Variants in DLG4 observed in about 807,000 individuals in gnomAD.
DLG4 encodes the protein disks large homolog 4.
A neutral mutation model predicts 93.8 loss-of-function variants in DLG4; 7 were observed. The observed-to-expected ratio is 0.07, with a 90% CI of 0.04 to 0.14. The LOEUF is 0.14. Ranked by LOEUF, DLG4 falls within the 10% of genes least tolerant of loss-of-function variation. DLG4 has a pLI of 1.00. For missense variants in DLG4, 545 were observed against 992.9 expected (o/e 0.55, Z 6.06); for synonymous variants, 341 against 387.6 (o/e 0.88, Z 1.41).
Position 7,203,689 on chromosome 17 carries a change from C to A in DLG4, c.335+3G>T, listed in dbSNP as rs1434259756. 6 of 1,613,824 alleles carry A rather than the reference C, an allele frequency of 3.7e-6. No individual in the cohort carries two copies. Among genetic ancestry groups the A allele is most frequent in the Non-Finnish European group, 5.1e-6 (6 of 1,179,884 alleles). On this transcript the variant is annotated splice_donor_region_variant and intron_variant, in intron 5 of 19. Coordinates refer to ENST00000399506, the MANE Select transcript of DLG4 (RefSeq NM_001321075.3). The surrounding 1 kb of genome is among the most constrained non-coding windows in gnomAD (Gnocchi z 7.2). ...CAACCTAACCCCTGTCTCCTCTCCC[C>A]ACCTGAGGCGGCCATCCTGGGCCGC...
At chr17:7,218,636 G>A (rs774228060), upstream of DLG4, 8 of 1,560,624 alleles carry the variant, frequency 5.1e-6, no homozygotes, top group Non-Finnish European at 6.9e-6. Context: ...GGCTGACCTG[G>A]GAGCTAGTGA....
upstream of DLG4, chr17:7,217,762 C>T (rs2071000155): frequency 1.3e-6 from 2 of 1,535,112 alleles, no homozygotes; most frequent in South Asian, 2.4e-5. Flanking sequence ...CACAGAGGCC[C>T]CTGAGGCAAA....
Position 7,191,570 on chromosome 17 carries a change from G to C in DLG4, c.1977-212C>G. On this transcript the variant is annotated intron_variant, in intron 18 of 19. Transcript: ENST00000399506. The surrounding 1 kb of genome is among the most constrained non-coding windows in gnomAD (Gnocchi z 6.6). Reference sequence around the variant, plus strand: ...CCCAGCCAGGTGTGGCTACTCCAGGGACATCTACGGAGCTTCATCCTTCCA... The same window carrying C: ...CCCAGCCAGGTGTGGCTACTCCAGGCACATCTACGGAGCTTCATCCTTCCA... The C allele has an allele frequency of 1.7e-6, 1 of 603,948 alleles. No homozygotes were observed. Among genetic ancestry groups the C allele is most frequent in the Non-Finnish European group, 2.9e-6 (1 of 340,210 alleles). The allele number at this position is 603,948 out of a possible 1,614,324, so 37.4% of individuals were successfully genotyped here. A position where few individuals can be genotyped will look rare whatever the true frequency, so the allele number is the denominator to read the frequency against.
rs1302364362 is a variant in DLG4, at chr17:7,188,005, G to A, written c.*2703C>T. On this transcript the variant is annotated 3_prime_UTR_variant, in exon 20 of 20. Transcript: ENST00000399506. ...GAATCACTTGAACCCTGGAGTTGGAGGTTGCAGTGAGCCGAGATCGCGCCA... is the reference window on the plus strand; with the variant it reads ...GAATCACTTGAACCCTGGAGTTGGAAGTTGCAGTGAGCCGAGATCGCGCCA... 6.6e-6 allele frequency among the ~76,000 whole-genome samples: 1 copy of A among 151,922 alleles called. No individual in the cohort carries two copies. Among genetic ancestry groups the A allele is most frequent in the Non-Finnish European group, 1.5e-5 (1 of 68,014 alleles).
upstream of DLG4, chr17:7,218,596 C>A: frequency 6.4e-7 from 1 of 1,566,652 alleles, no homozygotes; most frequent in South Asian, 1.2e-5. Flanking sequence ...GGGGTGCCCA[C>A]CGCAGCAGTG....
chr17:7,219,236 C>T (rs2071073888), upstream of DLG4: 1 of 356,472 alleles, frequency 2.8e-6, no homozygotes. Flanking sequence ...TGGGGTTTTA[C>T]GGGTAAGAGG....
Position 7,189,522 on chromosome 17 carries a change from T to C in DLG4, c.*1186A>G, listed in dbSNP as rs184228193. On this transcript the variant is annotated 3_prime_UTR_variant, in exon 20 of 20. Transcript: ENST00000399506. ...AAACAAAAAAACAAAAAAAATCATT[T>C]CCAGATCCTAGCTCTGTCCACAACT... Among the ~76,000 whole-genome samples, 3 of 152,112 alleles carry C rather than the reference T, an allele frequency of 2.0e-5. No individual in the cohort carries two copies. The highest frequency in any genetic ancestry group is 2.0e-4 in the Admixed American group (3 of 15,258).
chr17:7,214,686 G>A (rs1173875670), intron 1 of DLG4, among the ~76,000 whole-genome samples: 1 of 152,132 alleles, frequency 6.6e-6, no homozygotes, highest in Non-Finnish European at 1.5e-5. Flanking sequence ...CGGCCCTCCA[G>A]TCCGCCACGC....
At position 7,187,896 on chromosome 17, in the gene DLG4, C is replaced by T. The variant is rs2069334489; in HGVS notation, c.*2812G>A. On this transcript the variant is annotated 3_prime_UTR_variant, in exon 20 of 20. Transcript: ENST00000399506. Reference sequence around the variant, plus strand: ...CCAGCTTGGCTAACATGGTGAAACCCCGTTTCTACTAAAAATATTAAAAAA... The same window carrying T: ...CCAGCTTGGCTAACATGGTGAAACCTCGTTTCTACTAAAAATATTAAAAAA... Among the ~76,000 whole-genome samples, 1 of 152,020 alleles carries T rather than the reference C, an allele frequency of 6.6e-6. No homozygotes were observed. Among genetic ancestry groups the T allele is most frequent in the Admixed American group, 6.6e-5 (1 of 15,234 alleles).
intron 8 of DLG4, among the ~76,000 whole-genome samples, chr17:7,198,032 G>A (rs955653388): frequency 6.6e-6 from 1 of 152,104 alleles, no homozygotes. Flanking sequence ...TTAATGGTAG[G>A]TTCAGGGTCA....
At position 7,207,348 on chromosome 17, in the gene DLG4, GAGCC is replaced by G. The variant is rs543025747; in HGVS notation, c.96+822_96+825del. Among the ~76,000 whole-genome samples, 722 of 152,010 alleles carry G rather than the reference GAGCC, an allele frequency of 4.7e-3. 5 individuals carry two copies. The highest frequency in any genetic ancestry group is 7.8e-3 in the Non-Finnish European group (528 of 67,958). On this transcript the variant is annotated intron_variant, in intron 2 of 19. Coordinates refer to ENST00000399506, the MANE Select transcript of DLG4 (RefSeq NM_001321075.3). The stretch of plus-strand genomic sequence containing the variant: ...GGGAGGAAGAGAGAGACAGCATCAA[GAGCC>G]AGCCAGCCAGCCAGCCAGCAGGGAG...
Position 7,191,756 on chromosome 17 carries a change from G to GGGA in DLG4, c.1976+136_1976+137insTCC. On this transcript the variant is annotated intron_variant, in intron 18 of 19. Coordinates refer to ENST00000399506, the MANE Select transcript of DLG4 (RefSeq NM_001321075.3). This position sits in a 1 kb window ranked among gnomAD's most constrained non-coding sequence, Gnocchi z 6.6. ...GACCCGATTCCCCCACATCCTCTGG[G>GGGA]TTCCAGGGATCCCCCTCAGGGGCTG... The GGGA allele has an allele frequency of 1.6e-6, 1 of 628,886 alleles. No homozygotes were observed. The highest frequency in any genetic ancestry group is 2.6e-4 in the Middle Eastern group (1 of 3,790). 39.0% of individuals were successfully genotyped at this position (628,886 alleles called of 1,614,324 possible). A position where few individuals can be genotyped will look rare whatever the true frequency, so the allele number is the denominator to read the frequency against.
In DLG4 at chr17:7,193,212, G is replaced by A; in HGVS notation, c.1694-95C>T. ...AATCAAATCCCCATAGTGCCCAGCT[G>A]GTCCTTTGGTGAAAGGGAGCTGCCA... On this transcript the variant is annotated intron_variant, in intron 16 of 19. Coordinates refer to ENST00000399506, the MANE Select transcript of DLG4 (RefSeq NM_001321075.3). This position sits in a 1 kb window ranked among gnomAD's most constrained non-coding sequence, Gnocchi z 6.7. The A allele has an allele frequency of 2.6e-6, 4 of 1,530,570 alleles. No individual in the cohort carries two copies. Among genetic ancestry groups the A allele is most frequent in the Non-Finnish European group, 3.6e-6 (4 of 1,123,726 alleles). The allele number at this position is 1,530,570 out of a possible 1,614,324, so 94.8% of individuals were successfully genotyped here. A position where few individuals can be genotyped will look rare whatever the true frequency, so the allele number is the denominator to read the frequency against.
At chr17:7,214,828 G>C (rs2070842094) in intron 1 of DLG4, among the ~76,000 whole-genome samples, 1 of 152,256 alleles carries the variant, frequency 6.6e-6, no homozygotes, top group Admixed American at 6.5e-5. Context: ...CACCAAGAAA[G>C]ACAAAGTGAT....
At chr17:7,202,811 A>G in intron 8 of DLG4, 92 bp downstream of exon 8, 1 of 1,511,700 alleles carries the variant, frequency 6.6e-7, no homozygotes. Flanking sequence ...GGAATATCTG[A>G]AGAGGGACAG....
chr17:7,201,641 G>A (rs1353951484), intron 8 of DLG4, among the ~76,000 whole-genome samples: 1 of 152,194 alleles, frequency 6.6e-6, no homozygotes, highest in Non-Finnish European at 1.5e-5. Flanking sequence ...AGCACTTTGG[G>A]AGGCCGAGGA....
At chr17:7,217,754 C>A, upstream of DLG4, 1 of 1,535,280 alleles carries the variant, frequency 6.5e-7, no homozygotes, top group Non-Finnish European at 8.7e-7. Context: ...AGCAGAAGCA[C>A]AGAGGCCCCT....
At chr17:7,198,931 G>A (rs1027014615) in intron 8 of DLG4, among the ~76,000 whole-genome samples, 16 of 151,810 alleles carry the variant, frequency 1.1e-4, no homozygotes, top group Admixed American at 2.6e-4. Context: ...TGGGAGGATC[G>A]CTTGAGCCCA....
rs1012434464 is a variant in DLG4, at chr17:7,204,535, A to G, written c.97-283T>C. 5.6e-5 allele frequency: 23 copies of G among 411,366 alleles called. No individual in the cohort carries two copies. The Middle Eastern group carries it at 1.9e-3, about 34-fold the overall frequency. 25.5% of individuals were successfully genotyped at this position (411,366 alleles called of 1,614,324 possible). A position where few individuals can be genotyped will look rare whatever the true frequency, so the allele number is the denominator to read the frequency against. On this transcript the variant is annotated intron_variant, in intron 2 of 19. Transcript: ENST00000399506. ...GGAAGGAGGTGTAGGAGAAGCGGGA[A>G]GGGAGACAGCCAGACGGAGAGGGGA...
Sources: allele counts gnomAD v4.1 joint callset (sites outside exome capture counted in the v4.1 genomes callset), GRCh38; gene constraint gnomAD v4.1.1; non-coding constraint Gnocchi (gnomAD v3.1); transcripts MANE v1.5; gene names NCBI Gene and HGNC (gene_info 2026-07-23, HGNC 2026-07-21).